NPEPPS: variants seen among roughly 807,000 people sequenced by gnomAD.
The protein encoded by NPEPPS is puromycin-sensitive aminopeptidase.
NPEPPS carries 14 observed loss-of-function variants against 115.5 expected under a neutral mutation model. The ratio of observed to expected loss-of-function variants is 0.12; its 90% confidence interval spans 0.08 to 0.19. The LOEUF is 0.19. Among genes scored for constraint, NPEPPS ranks in the 10% least tolerant of loss-of-function variants. The pLI is 1.00. For missense variants in NPEPPS, 523 were observed against 1,110.8 expected (o/e 0.47, Z 7.52); for synonymous variants, 285 against 390.6 (o/e 0.73, Z 3.19).
intron 1 of NPEPPS, among the ~76,000 whole-genome samples, chr17:47,533,002 C>T (rs1032445924): frequency 6.6e-6 from 1 of 152,084 alleles, no homozygotes; most frequent in African/African-American, 2.4e-5. Context: ...AGGCTCCCAC[C>T]TTAAAGAACA....
intron 12 of NPEPPS, 84 bp from the exon 13 acceptor site, chr17:47,596,269 A>G: frequency 1.3e-6 from 1 of 778,782 alleles, no homozygotes; most frequent in South Asian, 2.1e-5. Context: ...TTAGCAGTGT[A>G]GTGTCAAAAG....
chr17:47,572,968 G>A (rs1174837994), intron 3 of NPEPPS, among the ~76,000 whole-genome samples: 1 of 152,086 alleles, frequency 6.6e-6, no homozygotes, highest in African/African-American at 2.4e-5. Flanking sequence ...TAGAGTTGGG[G>A]TTTCACCATG....
chr17:47,529,406 CTTT>C (rs1235224440), upstream of NPEPPS, among the ~76,000 whole-genome samples: 2 of 128,712 alleles, frequency 1.6e-5, no homozygotes, highest in Non-Finnish European at 1.7e-5. Flanking sequence ...CCTGGGCCCA[CTTT>C]TTTTTTTTTT....
intron 5 of NPEPPS, among the ~76,000 whole-genome samples, chr17:47,583,742 T>C (rs1912024376): frequency 6.6e-6 from 1 of 151,596 alleles, no homozygotes; most frequent in Non-Finnish European, 1.5e-5. Context: ...TAGTGAGACC[T>C]CATTTCTACA....
rs1459049463 is a variant in NPEPPS at position 47,565,214 on chromosome 17, A to G, written c.341-4203A>G. Reference sequence around the variant, plus strand: ...CTTCAAGTTGATAGAACAGATCTTTAAAGAAGTGATTTGAGGCTGGGCGTG... The same window carrying G: ...CTTCAAGTTGATAGAACAGATCTTTGAAGAAGTGATTTGAGGCTGGGCGTG... On this transcript the variant is annotated intron_variant, in intron 2 of 22. Transcript: ENST00000322157. Among the ~76,000 whole-genome samples the G allele has an allele frequency of 2.0e-5, 3 of 152,276 alleles. No individual in the cohort carries two copies. The South Asian group carries it at 6.2e-4, about 32-fold the overall frequency.
chr17:47,555,508 C>T (rs1365786979), intron 2 of NPEPPS, among the ~76,000 whole-genome samples: 2 of 151,614 alleles, frequency 1.3e-5, no homozygotes, highest in South Asian at 2.1e-4. Context: ...CCACCACACC[C>T]GGCTAATTTT....
intron 13 of NPEPPS, among the ~76,000 whole-genome samples, chr17:47,598,866 T>A (rs1913028574): frequency 1.3e-5 from 2 of 152,170 alleles, no homozygotes; most frequent in Admixed American, 1.3e-4. Flanking sequence ...AAAAGGCCAA[T>A]GGCCTGGTGC....
chr17:47,606,624 G>C (rs572679501), intron 17 of NPEPPS, among the ~76,000 whole-genome samples: 1 of 151,940 alleles, frequency 6.6e-6, no homozygotes, highest in African/African-American at 2.4e-5. Flanking sequence ...TGTATTTTTA[G>C]TAGAGACGAG....
chr17:47,557,375 T>C (rs1339356277), intron 2 of NPEPPS: 3 of 151,950 alleles, frequency 2.0e-5, no homozygotes, highest in Non-Finnish European at 4.4e-5. Context: ...ACCGCTACCA[T>C]GCCCGGTCTA....
In NPEPPS at chr17:47,619,112, A is replaced by T; in HGVS notation, c.2507A>T (p.Glu836Val). The T allele has an allele frequency of 6.2e-7, 1 of 1,613,936 alleles. No individual in the cohort carries two copies. The highest frequency in any genetic ancestry group is 1.1e-5 in the South Asian group (1 of 91,078). The change falls in exon 21 of 23, where the codon GAA (glutamate) becomes GTA (valine). Residue 836 changes from glutamate to valine, a missense_variant. By Grantham distance (121) the Glu-to-Val change is moderately radical. Around this residue, in one of 4 missense-constraint regions of NPEPPS, gnomAD observed 372 missense variants for 542.6 expected, o/e 0.69. Coordinates refer to ENST00000322157, the MANE Select transcript of NPEPPS (RefSeq NM_006310.4). Reference protein sequence around the residue: ...AAWKFIKDNWEELYNRYQGGF... With the variant: ...AAWKFIKDNWVELYNRYQGGF... ...TGGAAATTCATAAAGGACAACTGGG[A>T]AGAACTTTATAACCGATACCAGGGA... is the stretch of plus-strand genomic sequence containing the variant.
At chr17:47,596,774 G>A (rs915678127) in intron 13 of NPEPPS, among the ~76,000 whole-genome samples, 2 of 152,204 alleles carry the variant, frequency 1.3e-5, no homozygotes, top group Admixed American at 6.5e-5. Context: ...TAGGCCGGGC[G>A]TGGTGGCTCA....
intron 19 of NPEPPS, among the ~76,000 whole-genome samples, chr17:47,615,434 A>G (rs548033373): frequency 2.0e-5 from 3 of 152,228 alleles, no homozygotes; most frequent in South Asian, 4.1e-4. Context: ...GCATGCACCT[A>G]TATTTCCAGC....
At chr17:47,602,278 T>G (rs1913246373) in intron 15 of NPEPPS, among the ~76,000 whole-genome samples, 1 of 152,186 alleles carries the variant, frequency 6.6e-6, no homozygotes, top group Admixed American at 6.5e-5. Flanking sequence ...GACTCTTAAT[T>G]GTATGTTCCT....
rs2039514527 is a variant in NPEPPS at position 47,601,534 on chromosome 17, A to G, written c.1601-74A>G. The G allele has an allele frequency of 5.1e-6, 8 of 1,558,676 alleles. No individual in the cohort carries two copies. The South Asian group carries it at 9.1e-5, about 18-fold the overall frequency. ...AGTTTGGCTTAGGCTCCTGGTTAGAACACCACCACTCCTCTCTCCACCTTA... is the reference window on the plus strand; with the variant it reads ...AGTTTGGCTTAGGCTCCTGGTTAGAGCACCACCACTCCTCTCTCCACCTTA... On this transcript the variant is annotated intron_variant, in intron 14 of 22. Transcript: ENST00000322157.
At chr17:47,590,252 G>C (rs1192243374) in intron 9 of NPEPPS, among the ~76,000 whole-genome samples, 1 of 152,108 alleles carries the variant, frequency 6.6e-6, no homozygotes, top group African/African-American at 2.4e-5. Context: ...GCCCAGGCAT[G>C]GTGGCTCACA....
chr17:47,583,203 C>T lies in NPEPPS; in HGVS notation c.648+354C>T, dbSNP rs1324490075. ...TGGAGGATTTTCTCTTTGTCAAATTCCTCGTTAAATACATTTATAAGATTA... is the reference window on the plus strand; with the variant it reads ...TGGAGGATTTTCTCTTTGTCAAATTTCTCGTTAAATACATTTATAAGATTA... On this transcript the variant is annotated intron_variant, in intron 5 of 22. Transcript: ENST00000322157. Among the ~76,000 whole-genome samples, 6 of 151,924 alleles carry T rather than the reference C, an allele frequency of 3.9e-5. No homozygotes were observed. In the East Asian group the frequency reaches 1.2e-3, roughly 29 times the overall value.
chr17:47,601,658 G>A lies in NPEPPS; in HGVS notation c.1651G>A (p.Asp551Asn). The change falls in exon 15 of 23, where the codon GAC becomes AAC. Residue 551 changes from aspartate to asparagine, a missense_variant. By Grantham distance (23) the Asp-to-Asn change is conservative. Coordinates refer to ENST00000322157, the MANE Select transcript of NPEPPS (RefSeq NM_006310.4). ...MVPITISTSE[D>N]PNQAKLKILM... ...CCCTATCACAATCTCTACTAGTGAA[G>A]ACCCCAACCAGGCCAAACTAAAAAT... The A allele has an allele frequency of 6.2e-7, 1 of 1,612,110 alleles. No homozygotes were observed. The highest frequency in any genetic ancestry group is 8.5e-7 in the Non-Finnish European group (1 of 1,179,420).
intron 1 of NPEPPS, among the ~76,000 whole-genome samples, chr17:47,535,470 G>A (rs972485209): frequency 6.7e-6 from 1 of 148,362 alleles, no homozygotes; most frequent in Non-Finnish European, 1.5e-5. Flanking sequence ...AGAATGGTGT[G>A]AACCCGGGAG....
At chr17:47,612,721 T>A in intron 18 of NPEPPS, 119 bp downstream of exon 18, 2 of 925,024 alleles carry the variant, frequency 2.2e-6, no homozygotes, top group Non-Finnish European at 3.2e-6. Flanking sequence ...TGGAGTGCAG[T>A]GGCATGATCT....
Sources: allele counts gnomAD v4.1 joint callset (sites outside exome capture counted in the v4.1 genomes callset), GRCh38; gene constraint gnomAD v4.1.1; regional missense constraint gnomAD v4.1.1; transcripts MANE v1.5; gene names NCBI Gene and HGNC (gene_info 2026-07-23, HGNC 2026-07-21).